Variants in CDH8 observed in about 807,000 individuals in gnomAD.
The protein encoded by CDH8 is cadherin 8, also known as cadherin-8.
In CDH8, 17 loss-of-function variants were observed where a neutral mutation model predicts 68.1. The ratio of observed to expected loss-of-function variants is 0.25; its 90% CI spans 0.17 to 0.37. CDH8 has a LOEUF of 0.37. Ranked by LOEUF, CDH8 falls within the 10% of genes least tolerant of loss-of-function variation. The pLI, the probability that CDH8 is intolerant of heterozygous loss-of-function variation, is 1.00. For synonymous variants in CDH8, 372 were observed against 365.1 expected (o/e 1.02, Z -0.21); for missense variants, 763 against 999.3 (o/e 0.76, Z 3.19).
chr16:61,862,336 A>G (rs536948011), intron 3 of CDH8, among the ~76,000 whole-genome samples: 42 of 152,324 alleles, frequency 2.8e-4, no homozygotes, highest in Non-Finnish European at 5.3e-4. Flanking sequence ...CGGGCACATC[A>G]TCAGTACAAG....
intron 2 of CDH8, among the ~76,000 whole-genome samples, chr16:61,982,990 T>C (rs1965564693): frequency 6.6e-6 from 1 of 152,104 alleles, no homozygotes; most frequent in Non-Finnish European, 1.5e-5. Context: ...ATGTAACATA[T>C]AAAAGTAAGC....
At chr16:61,871,608 A>G (rs972346629) in intron 3 of CDH8, among the ~76,000 whole-genome samples, 3 of 151,732 alleles carry the variant, frequency 2.0e-5, no homozygotes, top group African/African-American at 4.8e-5. Context: ...AAAGATGAAC[A>G]TAAAATAGGA....
chr16:61,652,962 C>G lies in CDH8; in HGVS notation c.*646G>C, dbSNP rs1328747379. 4 of 1,516,742 alleles carry G rather than the reference C, an allele frequency of 2.6e-6. No individual in the cohort carries two copies. Among genetic ancestry groups the G allele is most frequent in the Non-Finnish European group, 3.5e-6 (4 of 1,138,768 alleles). 94.0% of individuals were successfully genotyped at this position (1,516,742 alleles called of 1,614,324 possible). On this transcript the variant is annotated 3_prime_UTR_variant, in exon 12 of 12. Coordinates refer to ENST00000577390, the MANE Select transcript of CDH8 (RefSeq NM_001796.5). ...CCACCACTGAATTGGCAAGCCCCAC[C>G]CTGGAATGGATTACGAACATGTGAA...
chr16:62,028,128 G>A (rs1258431776), intron 1 of CDH8, among the ~76,000 whole-genome samples: 1 of 143,506 alleles, frequency 7.0e-6, no homozygotes, highest in Non-Finnish European at 1.5e-5. Context: ...GCAATGGCAC[G>A]ATCTCGGCTC....
At chr16:61,977,777 T>A (rs1328142595) in intron 2 of CDH8, among the ~76,000 whole-genome samples, 1 of 152,156 alleles carries the variant, frequency 6.6e-6, no homozygotes, top group Non-Finnish European at 1.5e-5. Flanking sequence ...ATAAACGATG[T>A]CCAAACTGTG....
intron 3 of CDH8, among the ~76,000 whole-genome samples, chr16:61,898,904 T>C (rs1055902483): frequency 8.8e-6 from 1 of 114,248 alleles, no homozygotes; most frequent in Non-Finnish European, 1.7e-5. Flanking sequence ...TGAAAGTAAT[T>C]AGTTTGATTT....
intron 2 of CDH8, among the ~76,000 whole-genome samples, chr16:61,943,169 T>C (rs1296059667): frequency 6.6e-6 from 1 of 152,196 alleles, no homozygotes; most frequent in Non-Finnish European, 1.5e-5. Context: ...TATCACTCTG[T>C]TTCATCTTCT....
chr16:61,941,450 T>G (rs1964723632), intron 2 of CDH8, among the ~76,000 whole-genome samples: 1 of 152,246 alleles, frequency 6.6e-6, no homozygotes, highest in Non-Finnish European at 1.5e-5. Context: ...CTTTTTGTTT[T>G]GTTTTGTTTG....
intron 2 of CDH8, among the ~76,000 whole-genome samples, chr16:62,012,760 C>T (rs377252261): frequency 2.6e-5 from 4 of 152,004 alleles, no homozygotes; most frequent in South Asian, 2.1e-4. Flanking sequence ...TATTGCTTTG[C>T]GGTATAGTTA....
At chr16:61,947,627 A>G (rs1964821354) in intron 2 of CDH8, among the ~76,000 whole-genome samples, 1 of 152,228 alleles carries the variant, frequency 6.6e-6, no homozygotes, top group South Asian at 2.1e-4. Context: ...AAATGAAATA[A>G]CACATTCCTT....
chr16:61,699,895 A>G (rs1964390820), intron 10 of CDH8, among the ~76,000 whole-genome samples: 1 of 152,126 alleles, frequency 6.6e-6, no homozygotes, highest in Non-Finnish European at 1.5e-5. Flanking sequence ...TTATTCTTGT[A>G]CTGAAGTTCT....
chr16:61,735,485 C>T (rs1221917262), intron 8 of CDH8, among the ~76,000 whole-genome samples: 1 of 152,034 alleles, frequency 6.6e-6, no homozygotes, highest in African/African-American at 2.4e-5. Flanking sequence ...CGATAAATGC[C>T]TTTTGTCATT....
chr16:61,965,866 C>T (rs1034274906), intron 2 of CDH8, among the ~76,000 whole-genome samples: 5 of 152,166 alleles, frequency 3.3e-5, no homozygotes, highest in African/African-American at 1.2e-4. Flanking sequence ...TGCAGCAGCT[C>T]TTTAGCATAA....
chr16:61,994,447 C>A (rs1965777600), intron 2 of CDH8, among the ~76,000 whole-genome samples: 1 of 152,044 alleles, frequency 6.6e-6, no homozygotes. Context: ...GAGGAATGGG[C>A]CCTATTAATC....
intron 4 of CDH8, among the ~76,000 whole-genome samples, chr16:61,827,890 C>A (rs1330743515): frequency 6.6e-6 from 1 of 151,776 alleles, no homozygotes; most frequent in African/African-American, 2.4e-5. Flanking sequence ...GACCACAAAC[C>A]TTACTGATAA....
chr16:61,652,894 T>C lies in CDH8; in HGVS notation c.*714A>G, dbSNP rs1268699240. 6.6e-7 allele frequency: 1 copy of C among 1,526,392 alleles called. No homozygotes were observed. The highest frequency in any genetic ancestry group is 1.4e-5 in the African/African-American group (1 of 72,846). 94.6% of individuals were successfully genotyped at this position (1,526,392 alleles called of 1,614,324 possible). A position where few individuals can be genotyped will look rare whatever the true frequency, so the allele number is the denominator to read the frequency against. ...ATGAAGAGGAGGGAACGAGGAATCC[T>C]GCTTCTAGAAAACAAGCATGTTTGA... On this transcript the variant is annotated 3_prime_UTR_variant, in exon 12 of 12. Transcript: ENST00000577390.
chr16:61,908,504 A>G (rs777484408), intron 2 of CDH8, among the ~76,000 whole-genome samples: 1 of 152,176 alleles, frequency 6.6e-6, no homozygotes, highest in Non-Finnish European at 1.5e-5. Context: ...CTTGAAATTG[A>G]CTCATGTTAA....
At chr16:61,727,989 CAT>C (rs1959424812) in intron 8 of CDH8, among the ~76,000 whole-genome samples, 1 of 150,852 alleles carries the variant, frequency 6.6e-6, no homozygotes, top group African/African-American at 2.4e-5. Flanking sequence ...TGACTTGGGA[CAT>C]GTTATGGTTT....
At chr16:61,978,943 C>T (rs1206204167) in intron 2 of CDH8, among the ~76,000 whole-genome samples, 1 of 151,072 alleles carries the variant, frequency 6.6e-6, no homozygotes, top group African/African-American at 2.4e-5. Flanking sequence ...AAGTGGAGAA[C>T]CGCAGGCAAA....
Sources: gnomAD v4.1 joint callset for allele counts (sites outside exome capture counted in the v4.1 genomes callset) on GRCh38, gnomAD v4.1.1 for gene constraint, MANE v1.5 for transcripts, NCBI Gene and HGNC (gene_info 2026-07-23, HGNC 2026-07-21) for gene names.